Variants in UQCC1 observed in about 807,000 individuals in gnomAD.
The protein encoded by UQCC1 is ubiquinol-cytochrome c reductase complex assembly factor 1, also known as bFGF-repressed Zic-binding protein.
Under a neutral mutation model 48.0 loss-of-function variants are expected in UQCC1, and 38 were observed. The ratio of observed to expected loss-of-function variants is 0.79; its 90% CI spans 0.61 to 1.04. The LOEUF (loss-of-function observed/expected upper bound fraction) is 1.04, where lower values mean the gene tolerates loss of function less well. UQCC1 is among the 50% of genes least tolerant of loss of function. The pLI, the probability that UQCC1 is intolerant of heterozygous loss-of-function variation, is 0.00. For synonymous variants in UQCC1, 111 were observed against 129.2 expected (o/e 0.86, Z 0.95); for missense variants, 368 against 381.8 (o/e 0.96, Z 0.30).
intron 8 of UQCC1, among the ~76,000 whole-genome samples, chr20:35,314,348 C>T (rs1038920962): frequency 4.0e-5 from 6 of 151,660 alleles, no homozygotes; most frequent in African/African-American, 7.3e-5. Context: ...ATGCTGTTTA[C>T]GTGAATATCC....
At chr20:35,374,757 T>C (rs1235399027) in intron 4 of UQCC1, among the ~76,000 whole-genome samples, 1 of 152,314 alleles carries the variant, frequency 6.6e-6, no homozygotes, top group Non-Finnish European at 1.5e-5. Flanking sequence ...TTTAATTTTA[T>C]AGTTTGCTGA....
At chr20:35,392,513 G>T (rs2062025535) in intron 2 of UQCC1, among the ~76,000 whole-genome samples, 3 of 152,138 alleles carry the variant, frequency 2.0e-5, no homozygotes, top group Non-Finnish European at 2.9e-5. Flanking sequence ...TTCATATAAT[G>T]AGTTATTTTC....
chr20:35,392,172 C>T (rs1446212150), intron 2 of UQCC1: 2 of 1,188,366 alleles, frequency 1.7e-6, no homozygotes, highest in African/African-American at 1.6e-5. Flanking sequence ...CCATTATGCA[C>T]AATTCTAATT....
intron 5 of UQCC1, among the ~76,000 whole-genome samples, chr20:35,370,162 C>T (rs913540594): frequency 7.9e-5 from 12 of 152,232 alleles, no homozygotes; most frequent in African/African-American, 2.6e-4. Context: ...TACCACAAGT[C>T]CAAGTGAGCA....
chr20:35,368,016 C>T (rs1163402420), intron 5 of UQCC1, among the ~76,000 whole-genome samples: 1 of 152,006 alleles, frequency 6.6e-6, no homozygotes, highest in Non-Finnish European at 1.5e-5. Flanking sequence ...TGAATGTGCC[C>T]GCCTTATTAC....
chr20:35,368,176 T>G (rs2061690318), intron 5 of UQCC1, among the ~76,000 whole-genome samples: 1 of 152,178 alleles, frequency 6.6e-6, no homozygotes, highest in African/African-American at 2.4e-5. Flanking sequence ...AGGTACATGA[T>G]GTACTAAATG....
At chr20:35,331,189 TA>T (rs1426601854) in intron 7 of UQCC1, among the ~76,000 whole-genome samples, 1 of 151,986 alleles carries the variant, frequency 6.6e-6, no homozygotes, top group Non-Finnish European at 1.5e-5. Context: ...ACTTGCCCCA[TA>T]ACCATACACA....
At chr20:35,354,536 A>G (rs1206585848) in intron 6 of UQCC1, among the ~76,000 whole-genome samples, 1 of 152,108 alleles carries the variant, frequency 6.6e-6, no homozygotes, top group East Asian at 1.9e-4. Context: ...AGCTGGGACT[A>G]CAGGTGCCCG....
At chr20:35,344,208 G>A (rs545607131) in intron 7 of UQCC1, 7 of 152,152 alleles carry the variant, frequency 4.6e-5, no homozygotes, top group Non-Finnish European at 8.8e-5. Context: ...ACGGTTTTCT[G>A]CTTTTATAAA....
chr20:35,361,148 T>G (rs189112546), intron 6 of UQCC1, among the ~76,000 whole-genome samples: 1 of 151,962 alleles, frequency 6.6e-6, no homozygotes, highest in South Asian at 2.1e-4. Context: ...AAGCAGGTCA[T>G]TCCCACCTCC....
At chr20:35,322,640 G>A (rs1313105831) in intron 7 of UQCC1, among the ~76,000 whole-genome samples, 10 of 152,010 alleles carry the variant, frequency 6.6e-5, no homozygotes, top group South Asian at 2.1e-4. Context: ...AGGCTGAGGC[G>A]GGGGAACCAT....
intron 7 of UQCC1, among the ~76,000 whole-genome samples, chr20:35,336,665 T>A (rs1338749337): frequency 6.6e-6 from 1 of 152,146 alleles, no homozygotes; most frequent in Admixed American, 6.5e-5. Context: ...CCTCCGGTAC[T>A]GTAAGAGAAT....
At chr20:35,386,929 G>A (rs1204868611) in intron 2 of UQCC1, among the ~76,000 whole-genome samples, 17 of 151,716 alleles carry the variant, frequency 1.1e-4, no homozygotes, top group Non-Finnish European at 1.5e-5. Flanking sequence ...TGCACTTCCC[G>A]CAAAAAATTC....
At chr20:35,404,988 C>A (rs1019942266) in intron 1 of UQCC1, among the ~76,000 whole-genome samples, 1 of 152,088 alleles carries the variant, frequency 6.6e-6, no homozygotes, top group African/African-American at 2.4e-5. Context: ...ATGAACATAC[C>A]CAGGTCTGTG....
At chr20:35,386,763 A>G (rs867623798) in intron 2 of UQCC1, among the ~76,000 whole-genome samples, 8 of 151,842 alleles carry the variant, frequency 5.3e-5, no homozygotes, top group Middle Eastern at 3.4e-3. Context: ...CTGTCCTACC[A>G]TCTACTGTAT....
chr20:35,406,259 A>G (rs1308197640), intron 1 of UQCC1, among the ~76,000 whole-genome samples: 2 of 152,234 alleles, frequency 1.3e-5, no homozygotes, highest in African/African-American at 4.8e-5. Flanking sequence ...TAGGAATCCA[A>G]GAAGCTCTAC....
intron 2 of UQCC1, among the ~76,000 whole-genome samples, chr20:35,391,289 G>A (rs78605545): frequency 0.024 from 3,706 of 152,136 alleles, 146 homozygotes; most frequent in African/African-American, 0.086. Flanking sequence ...TAACTGACTA[G>A]TACTCTTCAA....
chr20:35,379,653 A>G (rs1387008790), intron 4 of UQCC1, among the ~76,000 whole-genome samples: 4 of 152,082 alleles, frequency 2.6e-5, no homozygotes, highest in East Asian at 3.9e-4. Flanking sequence ...TAAAAATACA[A>G]AAGTCAGCCA....
intron 5 of UQCC1, among the ~76,000 whole-genome samples, chr20:35,370,051 G>GT (rs1183106342): frequency 6.6e-6 from 1 of 152,150 alleles, no homozygotes; most frequent in East Asian, 1.9e-4. Context: ...AAACCGCAGT[G>GT]TACTCATCAG....
Sources: allele counts gnomAD v4.1 joint callset (sites outside exome capture counted in the v4.1 genomes callset), GRCh38; gene constraint gnomAD v4.1.1; transcripts MANE v1.5; gene names NCBI Gene and HGNC (gene_info 2026-07-23, HGNC 2026-07-21).